ARID2: variants seen among roughly 807,000 people sequenced by gnomAD.
ARID2 encodes AT-rich interactive domain-containing protein 2.
In ARID2, 32 loss-of-function variants were observed where a neutral mutation model predicts 184.6. That is an observed-to-expected ratio of 0.17 (90% CI 0.13 to 0.23). The LOEUF is 0.23. Among genes scored for constraint, ARID2 ranks in the 10% least tolerant of loss-of-function variants. The pLI is 1.00. For synonymous variants in ARID2, 836 were observed against 772.6 expected (o/e 1.08, Z -1.36); for missense variants, 1,696 against 2,197.6 (o/e 0.77, Z 4.56).
intron 3 of ARID2, among the ~76,000 whole-genome samples, chr12:45,801,342 G>T (rs1592085128): frequency 6.6e-6 from 1 of 150,384 alleles, no homozygotes; most frequent in African/African-American, 2.4e-5. Flanking sequence ...AGTAAAAAAA[G>T]AAAAATTACT....
intron 3 of ARID2, among the ~76,000 whole-genome samples, chr12:45,802,257 AGTCTCACTATGGTTGCCCAGGCTG>A (rs1316791477): frequency 6.6e-6 from 1 of 151,898 alleles, no homozygotes; most frequent in African/African-American, 2.4e-5. Context: ...GTAGAGTTGG[AGTCTCACTATGGTTGCCCAGGCTG>A]GTCTCAAAAC....
chr12:45,822,822 T>C (rs986495577), intron 6 of ARID2, among the ~76,000 whole-genome samples: 2 of 152,136 alleles, frequency 1.3e-5, no homozygotes, highest in African/African-American at 2.4e-5. Context: ...AGGCCCCAGA[T>C]GTATAAAGCA....
intron 5 of ARID2, among the ~76,000 whole-genome samples, chr12:45,819,727 T>A (rs1436024857): frequency 1.3e-5 from 2 of 151,612 alleles, no homozygotes; most frequent in African/African-American, 2.4e-5. Context: ...GCTTGGTGGG[T>A]TTTTTGTTTG....
chr12:45,748,751 C>T (rs1389608550), intron 3 of ARID2, among the ~76,000 whole-genome samples: 1 of 152,142 alleles, frequency 6.6e-6, no homozygotes. Context: ...GTCATTTCAG[C>T]AATGTTCACA....
chr12:45,831,262 CA>C (rs1943117625), intron 6 of ARID2, among the ~76,000 whole-genome samples: 2 of 152,092 alleles, frequency 1.3e-5, no homozygotes, highest in Non-Finnish European at 2.9e-5. Flanking sequence ...ATTAAGACCA[CA>C]AAATTACCTC....
At chr12:45,849,880 A>G (rs1943510630) in intron 14 of ARID2, 104 bp downstream of exon 14, 3 of 1,405,194 alleles carry the variant, frequency 2.1e-6, no homozygotes, top group South Asian at 1.4e-5. Context: ...TTGTGTCTCC[A>G]GTAGCATTTT....
intron 11 of ARID2, 37 bp downstream of exon 11, chr12:45,839,533 C>T (rs201757186): frequency 4.9e-5 from 77 of 1,580,206 alleles, no homozygotes; most frequent in Admixed American, 1.7e-4. Flanking sequence ...AGTGTGGTTA[C>T]GAGTGTATAA....
At chr12:45,869,515 GATCTCA>G (rs1289733724) in intron 16 of ARID2, among the ~76,000 whole-genome samples, 1 of 151,846 alleles carries the variant, frequency 6.6e-6, no homozygotes. Flanking sequence ...TGTTATAAAT[GATCTCA>G]ACTTCCATTA....
At chr12:45,769,066 CAT>C (rs974963548) in intron 3 of ARID2, among the ~76,000 whole-genome samples, 1 of 152,160 alleles carries the variant, frequency 6.6e-6, no homozygotes, top group African/African-American at 2.4e-5. Context: ...ATAACAGTAA[CAT>C]ACCCCAGAGT....
At chr12:45,832,084 T>C (rs1247474309) in intron 6 of ARID2, among the ~76,000 whole-genome samples, 1 of 152,196 alleles carries the variant, frequency 6.6e-6, no homozygotes, top group Non-Finnish European at 1.5e-5. Flanking sequence ...CCATTTACAC[T>C]TTAGGAAATT....
intron 3 of ARID2, among the ~76,000 whole-genome samples, chr12:45,807,505 T>A (rs994148653): frequency 2.6e-5 from 4 of 152,154 alleles, no homozygotes; most frequent in Non-Finnish European, 5.9e-5. Context: ...TAACTGTGGT[T>A]GTGATAAAAC....
chr12:45,798,377 G>C (rs1942431846), intron 3 of ARID2, among the ~76,000 whole-genome samples: 1 of 152,152 alleles, frequency 6.6e-6, no homozygotes, highest in South Asian at 2.1e-4. Context: ...AATTTCAGAA[G>C]AGATATTTAC....
intron 2 of ARID2, 98 bp downstream of exon 2, chr12:45,730,235 C>A (rs565679379): frequency 4.2e-6 from 5 of 1,201,908 alleles, no homozygotes; most frequent in Admixed American, 4.9e-5. Flanking sequence ...GGGGGTGGCC[C>A]GCGGGGGCAA....
chr12:45,733,119 A>G (rs891106418), intron 3 of ARID2, among the ~76,000 whole-genome samples: 4 of 152,076 alleles, frequency 2.6e-5, no homozygotes, highest in Non-Finnish European at 4.4e-5. Context: ...GTCACTCTCT[A>G]GGTTTGTTTT....
chr12:45,740,852 A>T (rs369677507), intron 3 of ARID2, among the ~76,000 whole-genome samples: 4 of 152,274 alleles, frequency 2.6e-5, no homozygotes, highest in South Asian at 4.1e-4. Context: ...GAGTTGTCTA[A>T]TATTTTTTCA....
intron 3 of ARID2, among the ~76,000 whole-genome samples, chr12:45,794,143 C>G (rs188708417): frequency 6.6e-6 from 1 of 152,122 alleles, no homozygotes; most frequent in Non-Finnish European, 1.5e-5. Flanking sequence ...AATCAGAACA[C>G]GTTTCTGTTC....
At chr12:45,862,033 A>G (rs1943759135) in intron 16 of ARID2, among the ~76,000 whole-genome samples, 1 of 152,166 alleles carries the variant, frequency 6.6e-6, no homozygotes. Context: ...TAAACTTCAT[A>G]TACAGATTTT....
At chr12:45,835,628 G>T (rs139631918) in intron 6 of ARID2, among the ~76,000 whole-genome samples, 1 of 152,120 alleles carries the variant, frequency 6.6e-6, no homozygotes, top group African/African-American at 2.4e-5. Flanking sequence ...CAGGCCGGGC[G>T]CTGTGGCTCA....
At chr12:45,756,708 T>C (rs1488232710) in intron 3 of ARID2, among the ~76,000 whole-genome samples, 2 of 152,226 alleles carry the variant, frequency 1.3e-5, no homozygotes, top group Non-Finnish European at 2.9e-5. Flanking sequence ...GGCTCATGCC[T>C]GTAATGCCAG....
Sources: gnomAD v4.1 joint callset for allele counts (sites outside exome capture counted in the v4.1 genomes callset) on GRCh38, gnomAD v4.1.1 for gene constraint, MANE v1.5 for transcripts, NCBI Gene and HGNC (gene_info 2026-07-23, HGNC 2026-07-21) for gene names.